Variants in CDH7 observed in about 807,000 individuals in gnomAD.
The protein encoded by CDH7 is cadherin 7.
Under a neutral mutation model 71.8 loss-of-function variants are expected in CDH7, and 25 were observed. The observed-to-expected ratio is 0.35, with a 90% CI of 0.25 to 0.49. The LOEUF (loss-of-function observed/expected upper bound fraction) is 0.49, where lower values mean the gene tolerates loss of function less well. Ranked by LOEUF, CDH7 falls within the 20% of genes least tolerant of loss-of-function variation. CDH7 has a pLI of 0.99. For missense variants in CDH7, 862 were observed against 974.6 expected, an observed-to-expected ratio of 0.88 and a Z score of 1.54; for synonymous variants, 381 against 363.8, an observed-to-expected ratio of 1.05 and a Z score of -0.54.
At position 65,848,124 on chromosome 18, in the gene CDH7, GT is replaced by G. The variant is rs1292397902; in HGVS notation, c.1235+4060del. 7.9e-5 allele frequency among the ~76,000 whole-genome samples: 12 copies of G among 152,106 alleles called. No homozygotes were observed. The East Asian group carries it at 2.3e-3, about 30-fold the overall frequency. On this transcript the variant is annotated intron_variant, in intron 7 of 11. Transcript: ENST00000397968. Reference sequence around the variant, plus strand: ...ATTGAACTTGGAAGGACAGATTGTGGTCTGCTGATTCTGGTCACGTTTCTGA... The same window carrying G: ...ATTGAACTTGGAAGGACAGATTGTGGCTGCTGATTCTGGTCACGTTTCTGA...
chr18:65,873,122 C>G (rs144413988), intron 11 of CDH7, among the ~76,000 whole-genome samples: 1 of 152,214 alleles, frequency 6.6e-6, no homozygotes, highest in East Asian at 1.9e-4. Flanking sequence ...GTTATACTTG[C>G]ATATCAATGT....
intron 11 of CDH7, among the ~76,000 whole-genome samples, chr18:65,878,874 A>G (rs1249732645): frequency 1.3e-5 from 2 of 152,166 alleles, no homozygotes; most frequent in African/African-American, 4.8e-5. Flanking sequence ...CCATCCATAA[A>G]GTGTAAAGCT....
Position 65,803,814 on chromosome 18 carries a change from T to C in CDH7, c.211-5890T>C, listed in dbSNP as rs190257485. On this transcript the variant is annotated intron_variant, in intron 2 of 11. Coordinates refer to ENST00000397968, the MANE Select transcript of CDH7 (RefSeq NM_004361.5). ...GGTTCTAATAATCTGGAATACACTT[T>C]TATTCTTTAAAAGTGAGGAATCTAG... The C allele has an allele frequency of 2.2e-3, 335 of 151,872 alleles. 1 individual carries two copies. The highest frequency in any genetic ancestry group is 7.7e-3 in the African/African-American group (318 of 41,498). The allele number at this position is 151,872 out of a possible 1,614,324, so 9.4% of individuals were successfully genotyped here.
intron 2 of CDH7, among the ~76,000 whole-genome samples, chr18:65,784,031 A>C (rs1014013594): frequency 2.7e-5 from 4 of 148,516 alleles, no homozygotes; most frequent in African/African-American, 7.5e-5. Flanking sequence ...GGCTCACAAC[A>C]ACTTCCACCT....
intron 2 of CDH7, among the ~76,000 whole-genome samples, chr18:65,796,789 A>G (rs1910933035): frequency 6.6e-6 from 1 of 152,176 alleles, no homozygotes; most frequent in South Asian, 2.1e-4. Context: ...AATTCTAATT[A>G]TGTTGCTGAA....
At chr18:65,840,012 T>A (rs1246563016) in intron 6 of CDH7, among the ~76,000 whole-genome samples, 1 of 152,176 alleles carries the variant, frequency 6.6e-6, no homozygotes, top group Non-Finnish European at 1.5e-5. Flanking sequence ...GAATTTAAAA[T>A]CTGGGTTACC....
At chr18:65,786,417 C>G (rs915573675) in intron 2 of CDH7, among the ~76,000 whole-genome samples, 23 of 152,078 alleles carry the variant, frequency 1.5e-4, no homozygotes, top group Admixed American at 1.2e-3. Flanking sequence ...AACCGCCCCC[C>G]CAGTTCTTGG....
rs1914393746 is a variant in CDH7, at chr18:65,887,201, G to A, written c.*6307G>A. The A allele has an allele frequency of 6.6e-6, 1 of 151,966 alleles. No homozygotes were observed. Among genetic ancestry groups the A allele is most frequent in the African/African-American group, 2.4e-5 (1 of 41,370 alleles). The allele number at this position is 151,966 out of a possible 1,614,324, so 9.4% of individuals were successfully genotyped here. A position where few individuals can be genotyped will look rare whatever the true frequency, so the allele number is the denominator to read the frequency against. On this transcript the variant is annotated 3_prime_UTR_variant, in exon 12 of 12. Coordinates refer to ENST00000397968, the MANE Select transcript of CDH7 (RefSeq NM_004361.5). ...TTGTGAGTATAAACCCTATGTTTTT[G>A]TATATCAAGATCTGGAATATGTTGT...
intron 2 of CDH7, among the ~76,000 whole-genome samples, chr18:65,789,493 T>G (rs1228982257): frequency 1.3e-5 from 2 of 151,424 alleles, no homozygotes; most frequent in Admixed American, 1.3e-4. Flanking sequence ...TTGTTTGTTT[T>G]TTGATAAGTT....
In CDH7 at chr18:65,881,084, T is replaced by C. The variant is rs1329733867; in HGVS notation, c.*190T>C. The stretch of plus-strand genomic sequence containing the variant: ...TTGGTGAGGCATATCTTCATTAGAC[T>C]TATCTAAAGGACTGCACTGACCACA... On this transcript the variant is annotated 3_prime_UTR_variant, in exon 12 of 12. Coordinates refer to ENST00000397968, the MANE Select transcript of CDH7 (RefSeq NM_004361.5). The C allele has an allele frequency of 3.5e-6, 2 of 578,326 alleles. No homozygotes were observed. Among genetic ancestry groups the C allele is most frequent in the African/African-American group, 1.9e-5 (1 of 53,476 alleles). The allele number at this position is 578,326 out of a possible 1,614,324, so 35.8% of individuals were successfully genotyped here.
intron 6 of CDH7, among the ~76,000 whole-genome samples, chr18:65,840,628 AG>A: frequency 6.6e-6 from 1 of 152,164 alleles, no homozygotes; most frequent in African/African-American, 2.4e-5. Flanking sequence ...TGGTTTTATA[AG>A]GGGGAGTTTC....
chr18:65,877,059 G>A (rs1914093299), intron 11 of CDH7, among the ~76,000 whole-genome samples: 1 of 152,140 alleles, frequency 6.6e-6, no homozygotes, highest in Non-Finnish European at 1.5e-5. Flanking sequence ...ATTAGCACCA[G>A]AGTCTATGAA....
intron 2 of CDH7, among the ~76,000 whole-genome samples, chr18:65,794,325 GT>G (rs1477723140): frequency 5.9e-5 from 9 of 152,194 alleles, no homozygotes; most frequent in African/African-American, 1.9e-4. Context: ...ATAGCGATGT[GT>G]TTTAATAAGA....
At chr18:65,794,633 C>A (rs1376265989) in intron 2 of CDH7, among the ~76,000 whole-genome samples, 1 of 151,070 alleles carries the variant, frequency 6.6e-6, no homozygotes, top group African/African-American at 2.4e-5. Context: ...TTTAAGTTCA[C>A]GTTTTTGCCT....
intron 2 of CDH7, among the ~76,000 whole-genome samples, chr18:65,777,303 G>A (rs1336163722): frequency 6.6e-6 from 1 of 151,958 alleles, no homozygotes; most frequent in Non-Finnish European, 1.5e-5. Flanking sequence ...ATATCCAGAT[G>A]AAAAGTACAT....
At chr18:65,845,944 T>C (rs975827791) in intron 7 of CDH7, among the ~76,000 whole-genome samples, 4 of 151,980 alleles carry the variant, frequency 2.6e-5, no homozygotes, top group South Asian at 2.1e-4. Flanking sequence ...CTAAAATAAA[T>C]AAGTGAATAA....
intron 2 of CDH7, among the ~76,000 whole-genome samples, chr18:65,765,485 G>T (rs1471999330): frequency 3.3e-5 from 5 of 150,132 alleles, no homozygotes; most frequent in Admixed American, 2.0e-4. Context: ...TTAGTTTTGG[G>T]AGGTGATGTC....
intron 7 of CDH7, among the ~76,000 whole-genome samples, chr18:65,853,926 T>TATATATATAC (rs1913246314): frequency 2.1e-5 from 2 of 95,046 alleles, no homozygotes; most frequent in African/African-American, 8.1e-5. Context: ...TATATATATA[T>TATATATATAC]ATATATATAT....
At chr18:65,760,942 T>A (rs1323908618) in intron 1 of CDH7, among the ~76,000 whole-genome samples, 10 of 152,158 alleles carry the variant, frequency 6.6e-5, no homozygotes. Flanking sequence ...TCCAACTTAA[T>A]TAAGGGGCCT....
Sources: allele counts gnomAD v4.1 joint callset (sites outside exome capture counted in the v4.1 genomes callset), GRCh38; gene constraint gnomAD v4.1.1; transcripts MANE v1.5; gene names NCBI Gene and HGNC (gene_info 2026-07-23, HGNC 2026-07-21).